Variants in WDR59 observed in about 807,000 individuals in gnomAD.
WDR59 encodes the protein GATOR2 complex protein WDR59.
Under a neutral mutation model 131.2 loss-of-function variants are expected in WDR59, and 100 were observed. The ratio of observed to expected loss-of-function variants is 0.76; its 90% CI spans 0.65 to 0.90. The LOEUF (loss-of-function observed/expected upper bound fraction) is 0.90. Ranked by LOEUF, WDR59 falls within the 40% of genes least tolerant of loss-of-function variation. WDR59 has a pLI of 0.00. For missense variants in WDR59, 1,203 were observed against 1,262.2 expected (o/e 0.95, Z 0.71); for synonymous variants, 601 against 466.2 (o/e 1.29, Z -3.72).
chr16:74,965,019 G>A (rs924174402), intron 2 of WDR59, among the ~76,000 whole-genome samples: 22 of 151,804 alleles, frequency 1.4e-4, no homozygotes, highest in African/African-American at 4.8e-4. Context: ...AGCCGAGATC[G>A]CGCCACTGCA....
chr16:74,954,003 A>G (rs886741440), intron 3 of WDR59, among the ~76,000 whole-genome samples: 1 of 150,736 alleles, frequency 6.6e-6, no homozygotes, highest in Non-Finnish European at 1.5e-5. Flanking sequence ...CTCCGTCTCA[A>G]AAAAAAAAAG....
At chr16:74,948,177 T>C (rs2032766322) in intron 6 of WDR59, among the ~76,000 whole-genome samples, 1 of 152,230 alleles carries the variant, frequency 6.6e-6, no homozygotes, top group Non-Finnish European at 1.5e-5. Context: ...AAGGTGACGA[T>C]GAACACAGGC....
At chr16:74,946,826 C>T (rs926463546) in intron 6 of WDR59, among the ~76,000 whole-genome samples, 1 of 152,094 alleles carries the variant, frequency 6.6e-6, no homozygotes, top group East Asian at 1.9e-4. Context: ...CATAAAAAGG[C>T]GTGGGGTACA....
At chr16:74,910,182 G>C (rs1178765890) in intron 14 of WDR59, among the ~76,000 whole-genome samples, 1 of 152,000 alleles carries the variant, frequency 6.6e-6, no homozygotes, top group African/African-American at 2.4e-5. Flanking sequence ...TGGCCAGGCT[G>C]GTCTCGAACT....
intron 2 of WDR59, among the ~76,000 whole-genome samples, chr16:74,964,870 C>G (rs1161651851): frequency 2.0e-5 from 3 of 152,032 alleles, no homozygotes; most frequent in Admixed American, 2.0e-4. Context: ...CGAGGTCAGC[C>G]TGGCCAACAT....
intron 18 of WDR59, among the ~76,000 whole-genome samples, chr16:74,894,655 A>AAAAAAGGCAAAAGGAGCTAGT (rs1965205145): frequency 6.6e-6 from 1 of 152,238 alleles, no homozygotes; most frequent in Non-Finnish European, 1.5e-5. Context: ...TTTATTAACA[A>AAAAAAGGCAAAAGGAGCTAGT]AAAAAGGCAA....
chr16:74,963,281 C>G (rs1162314237), intron 2 of WDR59: 2 of 151,992 alleles, frequency 1.3e-5, no homozygotes, highest in African/African-American at 4.8e-5. Flanking sequence ...AATAAAGATA[C>G]ATGCACGCAT....
At chr16:74,897,650 G>T (rs1243889400) in intron 18 of WDR59, among the ~76,000 whole-genome samples, 2 of 152,148 alleles carry the variant, frequency 1.3e-5, no homozygotes, top group East Asian at 3.8e-4. Context: ...CTGCCATAAG[G>T]GAGGTTCCCC....
chr16:74,966,034 T>C (rs762589195), intron 1 of WDR59, among the ~76,000 whole-genome samples: 8 of 152,292 alleles, frequency 5.3e-5, no homozygotes, highest in Non-Finnish European at 1.2e-4. Flanking sequence ...AGACAGGGTC[T>C]TGCTATGTTG....
chr16:74,915,898 T>A lies in WDR59; in HGVS notation c.1196A>T (p.Asn399Ile). The A allele has an allele frequency of 6.2e-7, 1 of 1,614,222 alleles. No individual in the cohort carries two copies. ...QTLQQEFSLI[N>I]VQIRNVNVEM... The stretch of plus-strand genomic sequence containing the variant: ...CACATTGACATTCCGGATTTGCACA[T>A]TGATCAGGGAGAATTCCTGCTGCAA... The change falls in exon 13 of 26, where the codon AAT (asparagine) becomes ATT (isoleucine). Residue 399 changes from asparagine (N) to isoleucine (I), a missense_variant. Physicochemically the swap from Asn to Ile is moderately radical, Grantham distance 149 (BLOSUM62 -3). Transcript: ENST00000262144.
chr16:74,922,782 A>G (rs907105428), intron 9 of WDR59, among the ~76,000 whole-genome samples: 24 of 152,226 alleles, frequency 1.6e-4, no homozygotes, highest in African/African-American at 5.8e-4. Context: ...TATTTTTTAA[A>G]GCAAACATAT....
In WDR59 at chr16:74,874,084, G is replaced by T; in HGVS notation, c.*125C>A. On this transcript the variant is annotated 3_prime_UTR_variant, in exon 26 of 26. Transcript: ENST00000262144. Reference sequence around the variant, plus strand: ...CAAGAGCTGATGCTGCGCAGTCCTTGGGGGATCATCCTCCGGTCTCACTGG... The same window carrying T: ...CAAGAGCTGATGCTGCGCAGTCCTTTGGGGATCATCCTCCGGTCTCACTGG... 1 of 783,302 alleles carries T rather than the reference G, an allele frequency of 1.3e-6. No homozygotes were observed. The highest frequency in any genetic ancestry group is 2.0e-6 in the Non-Finnish European group (1 of 489,790). The allele number at this position is 783,302 out of a possible 1,614,324, so 48.5% of individuals were successfully genotyped here.
intron 17 of WDR59, 137 bp from the exon 18 acceptor site, chr16:74,904,237 A>T (rs909013325): frequency 2.9e-5 from 29 of 1,009,196 alleles, no homozygotes; most frequent in Non-Finnish European, 3.9e-5. Flanking sequence ...AGTCAATAAA[A>T]CTTTTAACAC....
intron 18 of WDR59, among the ~76,000 whole-genome samples, chr16:74,898,076 C>T (rs1050395728): frequency 1.3e-5 from 2 of 152,198 alleles, no homozygotes; most frequent in Non-Finnish European, 2.9e-5. Flanking sequence ...ATGTTCCATC[C>T]ACTTCTCTCC....
chr16:74,974,618 C>A (rs985333309), intron 1 of WDR59, among the ~76,000 whole-genome samples: 2 of 152,118 alleles, frequency 1.3e-5, no homozygotes, highest in Non-Finnish European at 2.9e-5. Context: ...TGCTCCTTAA[C>A]TAGTAAGAGA....
At chr16:74,984,878 AG>A (rs1234329023) in intron 1 of WDR59, 85 bp downstream of exon 1, 1 of 1,545,344 alleles carries the variant, frequency 6.5e-7, no homozygotes, top group East Asian at 2.4e-5. Context: ...GTCTCCCCGT[AG>A]CCCCCCGGGA....
rs750713031 is a variant in WDR59 at position 74,934,972 on chromosome 16, T to C, written c.651+3178A>G. On this transcript the variant is annotated intron_variant, in intron 8 of 25. Coordinates refer to ENST00000262144, the MANE Select transcript of WDR59 (RefSeq NM_030581.4). ...GGTCGGGCATGGTGGCTCATGCCTA[T>C]AATCCCAGCACTTTGGGAGGCCGAG... 7.3e-4 allele frequency among the ~76,000 whole-genome samples: 111 copies of C among 152,288 alleles called. 2 individuals are homozygous for C. Among genetic ancestry groups the C allele is most frequent in the Admixed American group, 2.6e-4 (4 of 15,282 alleles).
At chr16:74,885,948 G>A (rs1415050535) in intron 24 of WDR59, 153 bp from the exon 25 acceptor site, 12 of 925,170 alleles carry the variant, frequency 1.3e-5, no homozygotes, top group South Asian at 3.6e-5. Flanking sequence ...AGGCTGAGGC[G>A]GGTGGATCAC....
rs1035766214 is a variant in WDR59 at position 74,890,000 on chromosome 16, C to T, written c.2083-185G>A. Among the ~76,000 whole-genome samples the T allele has an allele frequency of 7.9e-5, 12 of 152,322 alleles. 1 individual carries two copies. The highest frequency in any genetic ancestry group is 4.8e-5 in the African/African-American group (2 of 41,568). ...TAGACCTACTGAATCAGCGTTTACA[C>T]TTTAACCAACTCTTTAGGGGAGTTA... On this transcript the variant is annotated intron_variant, in intron 20 of 25. Coordinates refer to ENST00000262144, the MANE Select transcript of WDR59 (RefSeq NM_030581.4).
Sources: allele counts gnomAD v4.1 joint callset (sites outside exome capture counted in the v4.1 genomes callset), GRCh38; gene constraint gnomAD v4.1.1; transcripts MANE v1.5; gene names NCBI Gene and HGNC (gene_info 2026-07-23, HGNC 2026-07-21).